The following RORA variants were observed in gnomAD, a reference collection of about 807,000 sequenced individuals.
RORA encodes RAR related orphan receptor A.
RORA carries 7 observed loss-of-function variants against 69.5 expected under a neutral mutation model. That is an observed-to-expected ratio of 0.10 (90% CI 0.06 to 0.19). The LOEUF (loss-of-function observed/expected upper bound fraction) is 0.19. Ranked by LOEUF, RORA falls within the 10% of genes least tolerant of loss-of-function variation. The pLI is 1.00. For missense variants in RORA, 457 were observed against 663.0 expected, an observed-to-expected ratio of 0.69 and a Z score of 3.41; for synonymous variants, 261 against 240.8, an observed-to-expected ratio of 1.08 and a Z score of -0.78.
intron 1 of RORA, among the ~76,000 whole-genome samples, chr15:61,196,644 T>C (rs9888719): frequency 6.6e-6 from 1 of 152,336 alleles, no homozygotes; most frequent in South Asian, 2.1e-4. Context: ...GAAATATGTC[T>C]CAAACAACTG....
At chr15:60,897,025 A>C (rs940604636) in intron 1 of RORA, among the ~76,000 whole-genome samples, 1 of 152,140 alleles carries the variant, frequency 6.6e-6, no homozygotes, top group Non-Finnish European at 1.5e-5. Flanking sequence ...CATCCTGGAG[A>C]AGGCAGCTTC....
chr15:60,840,935 A>T, intron 1 of RORA: 1 of 216,500 alleles, frequency 4.6e-6, no homozygotes, highest in Non-Finnish European at 7.9e-6. Flanking sequence ...AGTTGGGTGT[A>T]GAGATAACTA....
At chr15:61,029,814 T>C (rs895828788) in intron 1 of RORA, among the ~76,000 whole-genome samples, 1 of 152,108 alleles carries the variant, frequency 6.6e-6, no homozygotes, top group Admixed American at 6.5e-5. Context: ...GTTTTAGACA[T>C]GGAGATCAAA....
At chr15:61,129,922 G>A (rs1218171300) in intron 1 of RORA, among the ~76,000 whole-genome samples, 4 of 152,176 alleles carry the variant, frequency 2.6e-5, no homozygotes, top group African/African-American at 9.7e-5. Context: ...GGTTTCCAAT[G>A]TATTCCATTT....
chr15:61,150,021 T>C (rs185814796), intron 1 of RORA, among the ~76,000 whole-genome samples: 26 of 152,278 alleles, frequency 1.7e-4, no homozygotes, highest in African/African-American at 5.1e-4. Flanking sequence ...CCATCTCCAA[T>C]GTCATATGGT....
chr15:60,590,302 G>A (rs2068462316), intron 2 of RORA, among the ~76,000 whole-genome samples: 1 of 152,034 alleles, frequency 6.6e-6, no homozygotes, highest in African/African-American at 2.4e-5. Flanking sequence ...GCAGACAGAG[G>A]TCACTCCAAG....
Position 61,147,766 on chromosome 15 carries a change from C to CGCGTGT in RORA, c.166+81286_166+81287insACACGC, listed in dbSNP as rs375270045. ...TGGTCAGTAGGCACGTGCGCACACG[C>CGCGTGT]GTGTGTGTGTGTGTGTGTGTGTGTG... On this transcript the variant is annotated intron_variant, in intron 1 of 10. Transcript: ENST00000335670. This position sits in a 1 kb window ranked among gnomAD's most constrained non-coding sequence, Gnocchi z 4.1. 2.0e-5 allele frequency among the ~76,000 whole-genome samples: 3 copies of CGCGTGT among 147,588 alleles called. No homozygotes were observed. The highest frequency in any genetic ancestry group is 4.5e-5 in the Non-Finnish European group (3 of 66,912).
chr15:60,708,936 C>G (rs1253872566), intron 1 of RORA, among the ~76,000 whole-genome samples: 2 of 152,202 alleles, frequency 1.3e-5, no homozygotes, highest in African/African-American at 4.8e-5. Flanking sequence ...TCAAATACCA[C>G]AGCCACGCAG....
chr15:60,832,873 G>A (rs781412909), intron 1 of RORA, among the ~76,000 whole-genome samples: 27 of 151,874 alleles, frequency 1.8e-4, no homozygotes, highest in Non-Finnish European at 2.5e-4. Flanking sequence ...CCTTCTCCTC[G>A]TCCCATCTAA....
At chr15:60,928,958 T>G (rs1892293701) in intron 1 of RORA, among the ~76,000 whole-genome samples, 1 of 152,144 alleles carries the variant, frequency 6.6e-6, no homozygotes, top group African/African-American at 2.4e-5. Flanking sequence ...TTCTTCTTCT[T>G]TTTTTAATCT....
chr15:60,875,225 T>C (rs903638591), intron 1 of RORA, among the ~76,000 whole-genome samples: 1 of 152,210 alleles, frequency 6.6e-6, no homozygotes, highest in African/African-American at 2.4e-5. Context: ...ACATAGTTGA[T>C]GCTTAATGCA....
chr15:60,563,970 C>G (rs925218011), intron 2 of RORA, among the ~76,000 whole-genome samples: 1 of 152,154 alleles, frequency 6.6e-6, no homozygotes, highest in Non-Finnish European at 1.5e-5. Context: ...ACTTTGCCCT[C>G]TATTGTACAG....
chr15:61,014,016 A>G (rs28470539), intron 1 of RORA, among the ~76,000 whole-genome samples: 4,332 of 151,984 alleles, frequency 0.029, 222 homozygotes, highest in African/African-American at 0.1. Flanking sequence ...ATCTCCTGAC[A>G]TTGTGATCTG....
chr15:60,857,156 G>A (rs2073389025), intron 1 of RORA, among the ~76,000 whole-genome samples: 1 of 152,124 alleles, frequency 6.6e-6, no homozygotes, highest in Admixed American at 6.5e-5. Context: ...AATAATGAGA[G>A]ACATTTTCAT....
At chr15:61,218,438 C>T (rs2080062438) in intron 1 of RORA, among the ~76,000 whole-genome samples, 1 of 152,084 alleles carries the variant, frequency 6.6e-6, no homozygotes, top group Non-Finnish European at 1.5e-5. Flanking sequence ...ATACTAAGTT[C>T]AGAATCAGTT....
chr15:60,859,874 G>A (rs1307110647), intron 1 of RORA, among the ~76,000 whole-genome samples: 2 of 152,024 alleles, frequency 1.3e-5, no homozygotes, highest in East Asian at 1.9e-4. Flanking sequence ...CAAACGAGCT[G>A]AGGAAGGTGA....
chr15:60,985,504 T>C (rs1194267936), intron 1 of RORA, among the ~76,000 whole-genome samples: 2 of 152,154 alleles, frequency 1.3e-5, no homozygotes, highest in African/African-American at 2.4e-5. Flanking sequence ...AAAGCCATAA[T>C]TCTGTTTGGA....
intron 1 of RORA, among the ~76,000 whole-genome samples, chr15:60,945,099 A>G (rs1892830151): frequency 6.6e-6 from 1 of 152,212 alleles, no homozygotes; most frequent in South Asian, 2.1e-4. Flanking sequence ...ATAGTTTAAT[A>G]TACCCAGCAA....
At chr15:60,910,846 A>G (rs1175260874) in intron 1 of RORA, among the ~76,000 whole-genome samples, 1 of 151,000 alleles carries the variant, frequency 6.6e-6, no homozygotes, top group East Asian at 1.9e-4. Context: ...CTCTCCATGG[A>G]CATAAATCAT....
Sources: gnomAD v4.1 joint callset for allele counts (sites outside exome capture counted in the v4.1 genomes callset) on GRCh38, gnomAD v4.1.1 for gene constraint, Gnocchi (gnomAD v3.1) non-coding constraint, MANE v1.5 for transcripts, NCBI Gene and HGNC (gene_info 2026-07-23, HGNC 2026-07-21) for gene names.